SLC16A12: variants seen among roughly 807,000 people sequenced by gnomAD.
The protein encoded by SLC16A12 is monocarboxylate transporter 12.
Under a neutral mutation model 42.4 loss-of-function variants are expected in SLC16A12, and 17 were observed. The observed-to-expected ratio is 0.40, with a 90% confidence interval of 0.27 to 0.60. The LOEUF (loss-of-function observed/expected upper bound fraction) is 0.60, where lower values mean the gene tolerates loss of function less well. Among genes scored for constraint, SLC16A12 ranks in the 20% least tolerant of loss-of-function variants. The probability of loss-of-function intolerance (pLI) is 0.42; values close to 1 mark genes in which losing one functional copy is unlikely to be tolerated. For missense variants in SLC16A12, 544 were observed against 623.0 expected (o/e 0.87, Z 1.35); for synonymous variants, 224 against 229.4 (o/e 0.98, Z 0.21).
At chr10:89,555,486 CGTATATATACGTATATACGTATATATAT>C (rs1232237493) in intron 2 of SLC16A12, among the ~76,000 whole-genome samples, 2 of 143,952 alleles carry the variant, frequency 1.4e-5, no homozygotes, top group East Asian at 2.0e-4. Flanking sequence ...TGTATATATA[CGTATATATACGTATATACGTATATATAT>C]GTATATATGT....
At chr10:89,441,083 GAC>G (rs768522219) in intron 5 of SLC16A12, 23 bp downstream of exon 5, 9 of 1,613,376 alleles carry the variant, frequency 5.6e-6, no homozygotes, top group Admixed American at 1.7e-5. Flanking sequence ...AGTGGGGTGA[GAC>G]AGGTGGTACA....
At chr10:89,448,873 A>G (rs1024481065) in intron 3 of SLC16A12, among the ~76,000 whole-genome samples, 1 of 152,238 alleles carries the variant, frequency 6.6e-6, no homozygotes, top group Non-Finnish European at 1.5e-5. Flanking sequence ...GTCTCAGCCC[A>G]AAAGCTCCTT....
At chr10:89,444,886 CT>C (rs1424885478) in intron 3 of SLC16A12, among the ~76,000 whole-genome samples, 1 of 152,250 alleles carries the variant, frequency 6.6e-6, no homozygotes, top group Non-Finnish European at 1.5e-5. Context: ...AATTGGGGCA[CT>C]GCCACCTAAA....
intron 2 of SLC16A12, among the ~76,000 whole-genome samples, chr10:89,473,665 T>C (rs1204363539): frequency 6.6e-6 from 1 of 152,134 alleles, no homozygotes; most frequent in East Asian, 1.9e-4. Context: ...CTACCGCAAC[T>C]CACTAGAGAA....
At chr10:89,437,512 G>A (rs1189436944) in intron 6 of SLC16A12, among the ~76,000 whole-genome samples, 1 of 152,024 alleles carries the variant, frequency 6.6e-6, no homozygotes, top group East Asian at 1.9e-4. Context: ...AGCAAAGCCA[G>A]TGCAAGAACT....
At chr10:89,450,526 A>G (rs1048090030) in intron 3 of SLC16A12, among the ~76,000 whole-genome samples, 1 of 152,232 alleles carries the variant, frequency 6.6e-6, no homozygotes, top group African/African-American at 2.4e-5. Context: ...CAAACACTGC[A>G]TGTTCTCACT....
intron 2 of SLC16A12, among the ~76,000 whole-genome samples, chr10:89,525,696 G>A (rs1843440415): frequency 6.6e-6 from 1 of 152,134 alleles, no homozygotes; most frequent in Admixed American, 6.5e-5. Context: ...GCTGTTGCCA[G>A]GTGTTCCTCA....
chr10:89,506,546 T>C (rs1843064425), intron 2 of SLC16A12, among the ~76,000 whole-genome samples: 1 of 151,788 alleles, frequency 6.6e-6, no homozygotes, highest in Non-Finnish European at 1.5e-5. Context: ...AAAAAGGACA[T>C]CCACACCAAA....
At chr10:89,517,152 G>A (rs1843266689) in intron 2 of SLC16A12, among the ~76,000 whole-genome samples, 1 of 152,132 alleles carries the variant, frequency 6.6e-6, no homozygotes, top group Non-Finnish European at 1.5e-5. Flanking sequence ...TTGAGCCCAG[G>A]AGTTCAAGGC....
intron 2 of SLC16A12, among the ~76,000 whole-genome samples, chr10:89,555,037 A>G (rs1250116379): frequency 6.6e-6 from 1 of 152,208 alleles, no homozygotes; most frequent in Non-Finnish European, 1.5e-5. Context: ...TTAAATTTCT[A>G]GCACCCAGAT....
intron 6 of SLC16A12, among the ~76,000 whole-genome samples, chr10:89,437,380 T>A (rs1841818395): frequency 6.6e-6 from 1 of 152,206 alleles, no homozygotes; most frequent in South Asian, 2.1e-4. Flanking sequence ...CACAGCCTCA[T>A]TTGAACATCA....
chr10:89,438,285 G>C (rs1325426393), intron 6 of SLC16A12, among the ~76,000 whole-genome samples: 1 of 152,222 alleles, frequency 6.6e-6, no homozygotes, highest in East Asian at 1.9e-4. Flanking sequence ...TCACATTTCA[G>C]TGTGCATAAA....
At chr10:89,456,323 A>G (rs1443961615) in intron 3 of SLC16A12, 4 of 152,210 alleles carry the variant, frequency 2.6e-5, no homozygotes, top group African/African-American at 9.6e-5. Flanking sequence ...GAACTCTACA[A>G]TCCCATAGGA....
chr10:89,554,131 G>GGAAAGAAA (rs1843793334), intron 2 of SLC16A12, among the ~76,000 whole-genome samples: 3 of 136,206 alleles, frequency 2.2e-5, no homozygotes, highest in African/African-American at 9.3e-5. Context: ...AAGGAAGGAA[G>GGAAAGAAA]GAAGGAAGGA....
intron 2 of SLC16A12, among the ~76,000 whole-genome samples, chr10:89,503,288 GT>G (rs1589711314): frequency 6.6e-6 from 1 of 152,106 alleles, no homozygotes; most frequent in Non-Finnish European, 1.5e-5. Flanking sequence ...CATAGGCCTT[GT>G]TTTATTTGAA....
intron 2 of SLC16A12, among the ~76,000 whole-genome samples, chr10:89,513,159 A>T (rs1243995778): frequency 6.6e-6 from 1 of 152,204 alleles, no homozygotes; most frequent in Non-Finnish European, 1.5e-5. Context: ...TATGTTATGT[A>T]CACTTAACCA....
At chr10:89,451,572 C>T (rs957036668) in intron 3 of SLC16A12, among the ~76,000 whole-genome samples, 12 of 151,954 alleles carry the variant, frequency 7.9e-5, no homozygotes, top group African/African-American at 1.9e-4. Flanking sequence ...CCACCATGCC[C>T]GGCTAATTTT....
chr10:89,514,700 T>C (rs926561453), intron 2 of SLC16A12, among the ~76,000 whole-genome samples: 1 of 152,178 alleles, frequency 6.6e-6, no homozygotes, highest in Non-Finnish European at 1.5e-5. Flanking sequence ...GGGGTGACAA[T>C]GTTTCCTCAA....
chr10:89,476,809 G>T (rs975853144), intron 2 of SLC16A12, among the ~76,000 whole-genome samples: 6 of 152,236 alleles, frequency 3.9e-5, no homozygotes, highest in African/African-American at 1.4e-4. Flanking sequence ...TTCACTGGCA[G>T]ATTTGCCCCT....
Sources: allele counts gnomAD v4.1 joint callset (sites outside exome capture counted in the v4.1 genomes callset), GRCh38; gene constraint gnomAD v4.1.1; transcripts MANE v1.5; gene names NCBI Gene and HGNC (gene_info 2026-07-23, HGNC 2026-07-21).